The following AGBL1 variants were observed in gnomAD, a reference collection of about 807,000 sequenced individuals.
The protein encoded by AGBL1 is cytosolic carboxypeptidase 4.
In AGBL1, 130 loss-of-function variants were observed where a neutral mutation model predicts 118.9. The observed-to-expected ratio is 1.09, with a 90% confidence interval of 0.95 to 1.26. The LOEUF (loss-of-function observed/expected upper bound fraction) is 1.26. Among genes scored for constraint, AGBL1 ranks in the 50% most tolerant of loss-of-function variants. The pLI, the probability that AGBL1 is intolerant of heterozygous loss-of-function variation, is 0.00. For missense variants in AGBL1, 1,584 were observed against 1,298.1 expected, an observed-to-expected ratio of 1.22 and a Z score of -3.38; for synonymous variants, 555 against 478.9, an observed-to-expected ratio of 1.16 and a Z score of -2.08.
At chr15:86,164,308 C>G (rs1202701328) in intron 5 of AGBL1, among the ~76,000 whole-genome samples, 1 of 152,174 alleles carries the variant, frequency 6.6e-6, no homozygotes, top group Non-Finnish European at 1.5e-5. Context: ...CCAGAGTGTG[C>G]TACCTCTTGC....
At chr15:86,517,995 A>G (rs1217903294) in intron 18 of AGBL1, among the ~76,000 whole-genome samples, 1 of 152,084 alleles carries the variant, frequency 6.6e-6, no homozygotes, top group Admixed American at 6.6e-5. Flanking sequence ...TGCTGCCTAA[A>G]TCTCAAACAT....
intron 23 of AGBL1, among the ~76,000 whole-genome samples, chr15:86,925,188 A>AGAGGAAGAAAG (rs2080523059): frequency 1.0e-5 from 1 of 96,332 alleles, no homozygotes; most frequent in African/African-American, 3.4e-5. Flanking sequence ...AGGAAGAGGA[A>AGAGGAAGAAAG]GAAAAGAAGA....
At chr15:86,520,772 A>G (rs549714963) in intron 18 of AGBL1, among the ~76,000 whole-genome samples, 1 of 152,350 alleles carries the variant, frequency 6.6e-6, no homozygotes, top group Admixed American at 6.5e-5. Flanking sequence ...GCAAGGAGAA[A>G]TCACAGAGCA....
chr15:86,789,636 A>T (rs1337487061), intron 22 of AGBL1, among the ~76,000 whole-genome samples: 1 of 152,184 alleles, frequency 6.6e-6, no homozygotes, highest in Non-Finnish European at 1.5e-5. Context: ...GGATTGCCAC[A>T]GTGCCCATTT....
intron 22 of AGBL1, among the ~76,000 whole-genome samples, chr15:86,887,726 C>A (rs187503298): frequency 8.8e-4 from 134 of 152,152 alleles, no homozygotes; most frequent in Non-Finnish European, 1.3e-3. Context: ...CTTTTAGCCG[C>A]AGATCATACA....
chr15:86,132,953 G>A (rs2076838442), intron 1 of AGBL1, among the ~76,000 whole-genome samples: 2 of 152,082 alleles, frequency 1.3e-5, no homozygotes, highest in Non-Finnish European at 2.9e-5. Context: ...TGTCTGTCAT[G>A]GCCATCGCCT....
chr15:86,579,101 G>T (rs945348329), intron 21 of AGBL1, among the ~76,000 whole-genome samples: 1 of 152,090 alleles, frequency 6.6e-6, no homozygotes, highest in African/African-American at 2.4e-5. Context: ...TTTCAGTGGC[G>T]TCCTAAATGC....
At chr15:86,728,566 T>G (rs1478146225) in intron 22 of AGBL1, among the ~76,000 whole-genome samples, 1 of 152,158 alleles carries the variant, frequency 6.6e-6, no homozygotes, top group African/African-American at 2.4e-5. Context: ...TACTGAAGCC[T>G]GGGGCTAAAT....
intron 22 of AGBL1, among the ~76,000 whole-genome samples, chr15:86,734,464 T>C (rs1017739569): frequency 6.6e-6 from 1 of 151,980 alleles, no homozygotes; most frequent in African/African-American, 2.4e-5. Context: ...AGGGAGGTGA[T>C]GAATAAAGAG....
chr15:86,308,829 T>A (rs1026924955), intron 17 of AGBL1, among the ~76,000 whole-genome samples: 1 of 152,200 alleles, frequency 6.6e-6, no homozygotes, highest in African/African-American at 2.4e-5. Context: ...TACAGCTTTG[T>A]AGTATATTTT....
At chr15:86,140,181 T>C (rs2076943893) in intron 1 of AGBL1, 1 of 153,280 alleles carries the variant, frequency 6.5e-6, no homozygotes, top group African/African-American at 2.4e-5. Flanking sequence ...CCACAGGTGT[T>C]AATCAATTAG....
chr15:86,289,807 C>T (rs868572990), intron 16 of AGBL1, among the ~76,000 whole-genome samples: 2 of 152,146 alleles, frequency 1.3e-5, no homozygotes, highest in South Asian at 2.1e-4. Flanking sequence ...GGATAGTCTC[C>T]TCATCTCAAA....
intron 1 of AGBL1, chr15:86,107,725 G>A (rs1261088762): frequency 6.6e-6 from 1 of 152,232 alleles, no homozygotes; most frequent in Admixed American, 6.5e-5. Flanking sequence ...GGGTTTTTCT[G>A]TTGTTGGGTA....
chr15:86,634,267 A>G (rs1451828566), intron 21 of AGBL1, among the ~76,000 whole-genome samples: 5 of 152,200 alleles, frequency 3.3e-5, no homozygotes, highest in Admixed American at 1.3e-4. Context: ...GTATGTAGGT[A>G]TTTATAGCAG....
chr15:86,474,702 C>T (rs562141019), intron 18 of AGBL1, among the ~76,000 whole-genome samples: 2 of 152,326 alleles, frequency 1.3e-5, no homozygotes, highest in African/African-American at 4.8e-5. Flanking sequence ...TTAAATGTCC[C>T]TGTCTGACAG....
At chr15:86,683,141 G>T (rs1325466763) in intron 22 of AGBL1, among the ~76,000 whole-genome samples, 1 of 152,106 alleles carries the variant, frequency 6.6e-6, no homozygotes, top group Admixed American at 6.6e-5. Flanking sequence ...CTGACAGATG[G>T]GGGGGCATTA....
At chr15:86,566,206 G>A (rs974640126) in intron 21 of AGBL1, among the ~76,000 whole-genome samples, 17 of 152,126 alleles carry the variant, frequency 1.1e-4, no homozygotes, top group African/African-American at 3.4e-4. Context: ...TACATCACCC[G>A]TCTTCTGCAT....
rs1029477458 is a variant in AGBL1 at position 86,991,100 on chromosome 15, T to A, written c.3323+3012T>A. ...TCCTGAGACCTGCAATGTAGTTTTT[T>A]ATAATAGACAAAAAAGAGAAAGAAG... On this transcript the variant is annotated intron_variant, in intron 24 of 24. Coordinates refer to the AGBL1 transcript ENST00000441037. Among the ~76,000 whole-genome samples the A allele has an allele frequency of 1.2e-4, 18 of 152,332 alleles. 1 individual carries two copies. The highest frequency in any genetic ancestry group is 1.2e-3 in the Admixed American group (18 of 15,302).
At chr15:86,763,076 G>A (rs564646334) in intron 22 of AGBL1, among the ~76,000 whole-genome samples, 35 of 152,138 alleles carry the variant, frequency 2.3e-4, no homozygotes, top group African/African-American at 6.7e-4. Context: ...TGCTGATCAC[G>A]TGATGTTTGG....
Sources: allele counts gnomAD v4.1 joint callset (sites outside exome capture counted in the v4.1 genomes callset), GRCh38; gene constraint gnomAD v4.1.1; transcripts MANE v1.5; gene names NCBI Gene and HGNC (gene_info 2026-07-23, HGNC 2026-07-21).